The following LNX1 variants were observed in gnomAD, a reference collection of about 807,000 sequenced individuals.
The protein encoded by LNX1 is ligand of numb-protein X 1.
In LNX1, 54 loss-of-function variants were observed where a neutral mutation model predicts 68.4. The ratio of observed to expected loss-of-function variants is 0.79; its 90% CI spans 0.63 to 0.99. The LOEUF is 0.99. Ranked by LOEUF, LNX1 falls within the 50% of genes least tolerant of loss-of-function variation. The pLI, the probability that LNX1 is intolerant of heterozygous loss-of-function variation, is 0.00. For synonymous variants in LNX1, 336 were observed against 350.0 expected, an observed-to-expected ratio of 0.96 and a Z score of 0.45; for missense variants, 906 against 926.4, an observed-to-expected ratio of 0.98 and a Z score of 0.29.
upstream of LNX1, among the ~76,000 whole-genome samples, chr4:53,592,337 G>A (rs1327527257): frequency 6.6e-6 from 1 of 152,182 alleles, no homozygotes; most frequent in Non-Finnish European, 1.5e-5. Flanking sequence ...CCCTGGACAA[G>A]TCACTGGTTG....
chr4:53,612,873 A>G (rs142734822), intron 2 of LNX1, among the ~76,000 whole-genome samples: 1 of 152,030 alleles, frequency 6.6e-6, no homozygotes, highest in Non-Finnish European at 1.5e-5. Context: ...TGACAGAGTG[A>G]GACCCCATTT....
chr4:53,488,969 C>T (rs773074471), intron 6 of LNX1, among the ~76,000 whole-genome samples: 9 of 152,234 alleles, frequency 5.9e-5, no homozygotes, highest in South Asian at 2.1e-4. Context: ...CACTGAGCAA[C>T]GAGTTGGAGG....
intron 2 of LNX1, among the ~76,000 whole-genome samples, chr4:53,610,715 GAAAA>G (rs10553873): frequency 1.8e-5 from 2 of 112,540 alleles, no homozygotes; most frequent in Non-Finnish European, 3.5e-5. Context: ...TCTCAAAGAG[GAAAA>G]AAAAAAAAAA....
intron 2 of LNX1, among the ~76,000 whole-genome samples, chr4:53,564,886 C>CGG (rs1730546926): frequency 6.6e-6 from 1 of 152,192 alleles, no homozygotes; most frequent in African/African-American, 2.4e-5. Flanking sequence ...AAAGGGGTGA[C>CGG]AGACAGCACC....
intron 2 of LNX1, among the ~76,000 whole-genome samples, chr4:53,569,998 GA>G (rs1277034149): frequency 6.6e-6 from 1 of 152,144 alleles, no homozygotes; most frequent in Admixed American, 6.5e-5. Flanking sequence ...GGCGATCATT[GA>G]AAAGTCAGGA....
intron 2 of LNX1, among the ~76,000 whole-genome samples, chr4:53,598,415 T>C (rs182457938): frequency 6.6e-6 from 1 of 152,196 alleles, no homozygotes; most frequent in Non-Finnish European, 1.5e-5. Context: ...GTATTTTTTG[T>C]AGAGATGGGG....
At chr4:53,600,623 G>C (rs1732957480) in intron 2 of LNX1, among the ~76,000 whole-genome samples, 1 of 152,094 alleles carries the variant, frequency 6.6e-6, no homozygotes, top group Admixed American at 6.5e-5. Flanking sequence ...TAATAATAGG[G>C]GAAGTTCATT....
At chr4:53,471,814 G>A (rs1428372588) in intron 9 of LNX1, among the ~76,000 whole-genome samples, 3 of 152,224 alleles carry the variant, frequency 2.0e-5, no homozygotes, top group East Asian at 3.9e-4. Context: ...TTAGAATGGC[G>A]ATCATTAAAA....
intron 2 of LNX1, among the ~76,000 whole-genome samples, chr4:53,515,404 A>T (rs1447720933): frequency 8.5e-5 from 13 of 152,166 alleles, no homozygotes; most frequent in Admixed American, 8.5e-4. Context: ...CCACCCTGAT[A>T]ATGCATAATT....
intron 1 of LNX1, among the ~76,000 whole-genome samples, chr4:53,633,176 G>T (rs1479718594): frequency 6.6e-6 from 1 of 152,164 alleles, no homozygotes; most frequent in Non-Finnish European, 1.5e-5. Context: ...CCCTTGCAAG[G>T]ATATTGTGAT....
chr4:53,464,837 CAAT>C (rs1382100700), intron 9 of LNX1, among the ~76,000 whole-genome samples: 6 of 152,056 alleles, frequency 3.9e-5, no homozygotes, highest in African/African-American at 1.2e-4. Flanking sequence ...CTTTATTCCT[CAAT>C]GATAGCCAAT....
intron 6 of LNX1, among the ~76,000 whole-genome samples, chr4:53,493,837 T>C (rs1450418591): frequency 3.9e-5 from 6 of 152,222 alleles, no homozygotes; most frequent in Non-Finnish European, 4.4e-5. Context: ...CTTGCCCTTC[T>C]CTTTTCAGCT....
chr4:53,557,474 A>G (rs1729993083), intron 2 of LNX1, among the ~76,000 whole-genome samples: 1 of 152,110 alleles, frequency 6.6e-6, no homozygotes, highest in African/African-American at 2.4e-5. Context: ...GACTGTCTCA[A>G]TAAAGGGACG....
intron 1 of LNX1, 145 bp from the exon 2 acceptor site, chr4:53,574,233 T>G (rs1395437738): frequency 1.6e-6 from 1 of 627,308 alleles, no homozygotes; most frequent in Non-Finnish European, 2.6e-6. Flanking sequence ...CTGGAGTGAC[T>G]GACAGGACCT....
intron 2 of LNX1, 151 bp downstream of exon 2, chr4:53,573,472 C>T (rs547408624): frequency 8.2e-6 from 5 of 607,402 alleles, no homozygotes; most frequent in South Asian, 8.1e-5. Context: ...GCTATTTCCT[C>T]ACACTGAATC....
At chr4:53,609,536 A>G (rs1243012600) in intron 2 of LNX1, among the ~76,000 whole-genome samples, 2 of 147,496 alleles carry the variant, frequency 1.4e-5, no homozygotes, top group African/African-American at 4.9e-5. Flanking sequence ...TTTAAAATTC[A>G]TAAATTTATA....
At chr4:53,651,585 G>A (rs1167530038) in intron 1 of LNX1, among the ~76,000 whole-genome samples, 1 of 152,154 alleles carries the variant, frequency 6.6e-6, no homozygotes, top group African/African-American at 2.4e-5. Context: ...CTGGAATTTT[G>A]TTTAAAGAGT....
chr4:53,484,945 C>T (rs1724189687), intron 6 of LNX1, among the ~76,000 whole-genome samples: 1 of 152,214 alleles, frequency 6.6e-6, no homozygotes, highest in Non-Finnish European at 1.5e-5. Flanking sequence ...ATGTGCCCTT[C>T]CTTTGTTTAC....
intron 2 of LNX1, among the ~76,000 whole-genome samples, chr4:53,529,559 C>T (rs370783888): frequency 1.3e-5 from 2 of 152,234 alleles, no homozygotes; most frequent in Admixed American, 6.5e-5. Context: ...AGAAACAGTC[C>T]ACCCAGTAAA....
Sources: gnomAD v4.1 joint callset for allele counts (sites outside exome capture counted in the v4.1 genomes callset) on GRCh38, gnomAD v4.1.1 for gene constraint, MANE v1.5 for transcripts, NCBI Gene and HGNC (gene_info 2026-07-23, HGNC 2026-07-21) for gene names.